Variants in LIMCH1 observed in about 807,000 individuals in gnomAD.
The protein encoded by LIMCH1 is LIM and calponin homology domains 1, also known as LIM and calponin homology domains-containing protein 1.
In LIMCH1, 113 loss-of-function variants were observed where a neutral mutation model predicts 176.5. The observed-to-expected ratio is 0.64, with a 90% CI of 0.55 to 0.75. The LOEUF is 0.75. LIMCH1 is among the 30% of genes least tolerant of loss of function. The probability of loss-of-function intolerance (pLI) is 0.00; values close to 1 mark genes in which losing one functional copy is unlikely to be tolerated. For missense variants in LIMCH1, 1,674 were observed against 1,814.9 expected (o/e 0.92, Z 1.41); for synonymous variants, 619 against 645.9 (o/e 0.96, Z 0.63).
chr4:41,579,221 A>G (rs1226589385), intron 1 of LIMCH1, among the ~76,000 whole-genome samples: 1 of 152,148 alleles, frequency 6.6e-6, no homozygotes, highest in Non-Finnish European at 1.5e-5. Context: ...CTGCTAGGTT[A>G]TATCTGACTT....
At chr4:41,543,975 A>G (rs1165994603) in intron 1 of LIMCH1, among the ~76,000 whole-genome samples, 3 of 152,148 alleles carry the variant, frequency 2.0e-5, no homozygotes, top group Non-Finnish European at 2.9e-5. Flanking sequence ...GTTTACTTCT[A>G]TATTTTTATG....
chr4:41,539,729 C>T (rs2078383121), intron 1 of LIMCH1, among the ~76,000 whole-genome samples: 1 of 152,154 alleles, frequency 6.6e-6, no homozygotes, highest in Non-Finnish European at 1.5e-5. Context: ...AGAGGAGTGG[C>T]AATTGTTCTC....
At chr4:41,520,257 T>A (rs966092949) in intron 2 of LIMCH1, among the ~76,000 whole-genome samples, 1 of 152,124 alleles carries the variant, frequency 6.6e-6, no homozygotes, top group Non-Finnish European at 1.5e-5. Context: ...CTCACTCTCC[T>A]CAGCTACATT....
rs148513624 is a variant in LIMCH1, at chr4:41,509,104, G to A, written c.167+14498G>A. ...TGAGACACTGTTCAGAGCGAAAGGG[G>A]GTATTAACCAGATGAGATGCTGGAA... On this transcript the variant is annotated intron_variant, in intron 2 of 26. Coordinates refer to the LIMCH1 transcript ENST00000313860. Among the ~76,000 whole-genome samples the A allele has an allele frequency of 5.2e-3, 785 of 152,170 alleles. 2 individuals are homozygous for A. Among genetic ancestry groups the A allele is most frequent in the African/African-American group, 0.018 (734 of 41,532 alleles).
intron 1 of LIMCH1, among the ~76,000 whole-genome samples, chr4:41,573,224 C>T (rs185948805): frequency 2.7e-3 from 409 of 152,266 alleles, no homozygotes; most frequent in Middle Eastern, 0.01. Flanking sequence ...CTGGAAAAAA[C>T]CAATAGCTGA....
chr4:41,432,894 C>G (rs1461791186), intron 1 of LIMCH1, among the ~76,000 whole-genome samples: 2 of 152,144 alleles, frequency 1.3e-5, no homozygotes, highest in Non-Finnish European at 2.9e-5. Flanking sequence ...TTTCACGGTC[C>G]TTTTGATCAA....
At chr4:41,661,595 G>C in intron 19 of LIMCH1, 85 bp downstream of exon 19, 3 of 1,015,358 alleles carry the variant, frequency 3.0e-6, no homozygotes. Context: ...TTTTCCTACT[G>C]AGCCACAGGA....
chr4:41,441,191 G>A (rs1045885706), intron 1 of LIMCH1, among the ~76,000 whole-genome samples: 32 of 152,160 alleles, frequency 2.1e-4, no homozygotes, highest in African/African-American at 7.5e-4. Flanking sequence ...AGAAGAAGAT[G>A]TAGAAATCTT....
At chr4:41,391,763 T>G (rs558441002) in intron 1 of LIMCH1, among the ~76,000 whole-genome samples, 1 of 152,140 alleles carries the variant, frequency 6.6e-6, no homozygotes, top group African/African-American at 2.4e-5. Flanking sequence ...TGAGAAGCTA[T>G]CACAGATTGA....
intron 1 of LIMCH1, among the ~76,000 whole-genome samples, chr4:41,379,185 T>C (rs1456281556): frequency 2.0e-5 from 3 of 152,200 alleles, no homozygotes; most frequent in South Asian, 4.1e-4. Context: ...AAACAAGATG[T>C]TGGCTGGGCA....
At chr4:41,592,791 G>A (rs2152726934) in intron 1 of LIMCH1, among the ~76,000 whole-genome samples, 1 of 152,300 alleles carries the variant, frequency 6.6e-6, no homozygotes, top group South Asian at 2.1e-4. Flanking sequence ...AGCAGACAAG[G>A]CTGGGATTCT....
At position 41,629,754 on chromosome 4, in the gene LIMCH1, C is replaced by A. The variant is rs747326492; in HGVS notation, c.1271+20C>A. On this transcript the variant is annotated intron_variant, in intron 9 of 31. Transcript: ENST00000503057. ...GGCGAGGTGTGTCATGTTTCCCCCC[C>A]AGTTTCCCCCTGGCAGTCATGGTAT... 14 of 1,524,438 alleles carry A rather than the reference C, an allele frequency of 9.2e-6. No homozygotes were observed. Among genetic ancestry groups the A allele is most frequent in the African/African-American group, 1.4e-5 (1 of 72,548 alleles). The allele number at this position is 1,524,438 out of a possible 1,614,324, so 94.4% of individuals were successfully genotyped here.
At chr4:41,465,604 C>T (rs1488030949) in intron 1 of LIMCH1, among the ~76,000 whole-genome samples, 1 of 152,174 alleles carries the variant, frequency 6.6e-6, no homozygotes, top group African/African-American at 2.4e-5. Flanking sequence ...TTGCTGTTCC[C>T]ATCTGTCACA....
intron 30 of LIMCH1, 35 bp downstream of exon 30, chr4:41,689,670 T>C (rs1402214648): frequency 7.8e-7 from 1 of 1,276,512 alleles, no homozygotes; most frequent in Admixed American, 1.7e-5. Flanking sequence ...CAGACACAAC[T>C]TCATGATGTC....
intron 1 of LIMCH1, among the ~76,000 whole-genome samples, chr4:41,409,712 A>G (rs927861642): frequency 1.3e-5 from 2 of 152,148 alleles, no homozygotes; most frequent in East Asian, 1.9e-4. Context: ...TGCACTCATC[A>G]TTTGGAAGTC....
intron 28 of LIMCH1, 58 bp downstream of exon 28, chr4:41,685,888 G>A: frequency 6.4e-7 from 1 of 1,566,268 alleles, no homozygotes; most frequent in Non-Finnish European, 8.7e-7. Context: ...CATTTAGTTA[G>A]AAGGGAGAAG....
intron 21 of LIMCH1, 103 bp downstream of exon 21, chr4:41,666,769 C>A: frequency 1.3e-6 from 1 of 759,852 alleles, no homozygotes; most frequent in South Asian, 1.6e-5. Context: ...GTTGCTATTC[C>A]TTTAGCCAGG....
chr4:41,593,784 C>A (rs1301678318), intron 1 of LIMCH1, among the ~76,000 whole-genome samples: 1 of 152,148 alleles, frequency 6.6e-6, no homozygotes, highest in Non-Finnish European at 1.5e-5. Flanking sequence ...TAACAGAGAC[C>A]ACCATATGGC....
At chr4:41,473,165 C>T (rs2067235556) in intron 1 of LIMCH1, 1 of 985,218 alleles carries the variant, frequency 1.0e-6, no homozygotes, top group Non-Finnish European at 1.2e-6. Flanking sequence ...CTTTTAAGGA[C>T]CTGCCAATAC....
Sources: gnomAD v4.1 joint callset for allele counts (sites outside exome capture counted in the v4.1 genomes callset) on GRCh38, gnomAD v4.1.1 for gene constraint, MANE v1.5 for transcripts, NCBI Gene and HGNC (gene_info 2026-07-23, HGNC 2026-07-21) for gene names.